The following TRABD2B variants were observed in gnomAD, a reference collection of about 807,000 sequenced individuals.
TRABD2B encodes metalloprotease TIKI2.
A neutral mutation model predicts 40.1 loss-of-function variants in TRABD2B; 14 were observed. The ratio of observed to expected loss-of-function variants is 0.35; its 90% confidence interval spans 0.23 to 0.55. The LOEUF (loss-of-function observed/expected upper bound fraction) is 0.55, where lower values mean the gene tolerates loss of function less well. Ranked by LOEUF, TRABD2B falls within the 20% of genes least tolerant of loss-of-function variation. TRABD2B has a pLI of 0.90. For missense variants in TRABD2B, 541 were observed against 648.6 expected, an observed-to-expected ratio of 0.83 and a Z score of 1.80; for synonymous variants, 263 against 277.0, an observed-to-expected ratio of 0.95 and a Z score of 0.50.
chr1:47,848,250 C>A (rs947704855), intron 2 of TRABD2B, among the ~76,000 whole-genome samples: 1 of 152,162 alleles, frequency 6.6e-6, no homozygotes, highest in Non-Finnish European at 1.5e-5. Context: ...CACATATTAC[C>A]CCCAATTTTA....
At chr1:47,936,792 T>C (rs1645112048) in intron 2 of TRABD2B, among the ~76,000 whole-genome samples, 1 of 152,190 alleles carries the variant, frequency 6.6e-6, no homozygotes, top group Non-Finnish European at 1.5e-5. Flanking sequence ...CACATTGGAA[T>C]GTTCTATGGA....
At chr1:47,944,646 CA>C (rs767862946) in intron 2 of TRABD2B, among the ~76,000 whole-genome samples, 15 of 152,164 alleles carry the variant, frequency 9.9e-5, no homozygotes, top group Non-Finnish European at 1.8e-4. Flanking sequence ...AGCTCCGGTG[CA>C]AAAATTGTCC....
chr1:47,770,420 G>A (rs1411233927), intron 6 of TRABD2B, among the ~76,000 whole-genome samples: 1 of 152,248 alleles, frequency 6.6e-6, no homozygotes, highest in Non-Finnish European at 1.5e-5. Context: ...CTTCTGTGCT[G>A]GGAATGCCTT....
chr1:47,864,128 T>C (rs1348778111), intron 2 of TRABD2B, among the ~76,000 whole-genome samples: 2 of 152,098 alleles, frequency 1.3e-5, no homozygotes, highest in Non-Finnish European at 1.5e-5. Context: ...GGAGCATAGA[T>C]AATTTTTAGG....
rs138676699 is a variant in TRABD2B, at chr1:47,934,434, C to T, written c.666+59600G>A. 2.4e-3 allele frequency among the ~76,000 whole-genome samples: 359 copies of T among 152,368 alleles called. 5 individuals are homozygous for T. The highest frequency in any genetic ancestry group is 6.4e-3 in the East Asian group (33 of 5,192). On this transcript the variant is annotated intron_variant, in intron 2 of 6. Coordinates refer to ENST00000606738, the MANE Select transcript of TRABD2B (RefSeq NM_001194986.2). ...TCTGGCAGTGCTGCTGCATCACTCA[C>T]AGACGTCTGGGGGCAGAGGCTGAGT... is the stretch of plus-strand genomic sequence containing the variant.
At chr1:47,910,752 T>C (rs1294117558) in intron 2 of TRABD2B, among the ~76,000 whole-genome samples, 2 of 152,212 alleles carry the variant, frequency 1.3e-5, no homozygotes, top group Non-Finnish European at 2.9e-5. Context: ...CCTATCCTCA[T>C]ATGGCATAGA....
At chr1:47,904,610 G>T (rs1009200515) in intron 2 of TRABD2B, among the ~76,000 whole-genome samples, 9 of 152,072 alleles carry the variant, frequency 5.9e-5, no homozygotes, top group African/African-American at 2.2e-4. Context: ...TCACCTGAGA[G>T]AATCTCATCT....
At chr1:47,940,274 T>C (rs1645168605) in intron 2 of TRABD2B, among the ~76,000 whole-genome samples, 1 of 152,238 alleles carries the variant, frequency 6.6e-6, no homozygotes, top group Non-Finnish European at 1.5e-5. Context: ...TGCAGAATTC[T>C]TGTGCAGCAG....
At chr1:47,853,598 T>C (rs2124529235) in intron 2 of TRABD2B, among the ~76,000 whole-genome samples, 1 of 152,348 alleles carries the variant, frequency 6.6e-6, no homozygotes, top group African/African-American at 2.4e-5. Flanking sequence ...AGGGACTGTG[T>C]GGAGACCATG....
chr1:47,777,810 T>C (rs1569900876), intron 5 of TRABD2B, among the ~76,000 whole-genome samples: 1 of 152,122 alleles, frequency 6.6e-6, no homozygotes, highest in Non-Finnish European at 1.5e-5. Flanking sequence ...CGCTGACACC[T>C]CTCATGTCTG....
rs546592591 is a variant in TRABD2B at position 47,953,478 on chromosome 1, C to T, written c.666+40556G>A. Among the ~76,000 whole-genome samples, 17 of 152,184 alleles carry T rather than the reference C, an allele frequency of 1.1e-4. 1 individual carries two copies. In the South Asian group the frequency reaches 3.5e-3, roughly 32 times the overall value. On this transcript the variant is annotated intron_variant, in intron 2 of 6. Coordinates refer to ENST00000606738, the MANE Select transcript of TRABD2B (RefSeq NM_001194986.2). ...CATAGGGCTGGACACAGGAAGCTCC[C>T]CACCCTATACCTTCCTAAAAGCTCC... is the stretch of plus-strand genomic sequence containing the variant.
chr1:47,983,820 G>A (rs930604113), intron 2 of TRABD2B, among the ~76,000 whole-genome samples: 2 of 151,372 alleles, frequency 1.3e-5, no homozygotes, highest in African/African-American at 2.4e-5. Context: ...TGTTGGGGAC[G>A]GGAGGGAACG....
At chr1:47,828,110 A>T (rs1159893516) in intron 2 of TRABD2B, among the ~76,000 whole-genome samples, 1 of 152,146 alleles carries the variant, frequency 6.6e-6, no homozygotes. Context: ...CATACATACA[A>T]ACGGGAGCAT....
intron 2 of TRABD2B, among the ~76,000 whole-genome samples, chr1:47,981,903 C>T (rs1213767709): frequency 6.6e-6 from 1 of 152,172 alleles, no homozygotes; most frequent in African/African-American, 2.4e-5. Context: ...CCTGTCTGAG[C>T]AGTAGAGGAA....
At chr1:47,782,124 C>A (rs187144411) in intron 4 of TRABD2B, among the ~76,000 whole-genome samples, 1 of 152,108 alleles carries the variant, frequency 6.6e-6, no homozygotes, top group Non-Finnish European at 1.5e-5. Flanking sequence ...ATTTGTCCAG[C>A]GACCTACTGG....
At chr1:47,791,758 C>T (rs992063277) in intron 4 of TRABD2B, among the ~76,000 whole-genome samples, 5 of 152,180 alleles carry the variant, frequency 3.3e-5, no homozygotes, top group Non-Finnish European at 5.9e-5. Flanking sequence ...GTAACGAGGC[C>T]GGAGTGGACT....
intron 2 of TRABD2B, among the ~76,000 whole-genome samples, chr1:47,849,306 C>T (rs1645514940): frequency 6.6e-6 from 1 of 152,162 alleles, no homozygotes; most frequent in South Asian, 2.1e-4. Context: ...GACATGTGTA[C>T]AACTGGACAA....
intron 2 of TRABD2B, among the ~76,000 whole-genome samples, chr1:47,881,417 T>G (rs1644302353): frequency 6.6e-6 from 1 of 152,196 alleles, no homozygotes; most frequent in Non-Finnish European, 1.5e-5. Context: ...GTTTGTGGAG[T>G]GCTTAGTATA....
At position 47,834,307 on chromosome 1, in the gene TRABD2B, A is replaced by T. The variant is rs1374905506; in HGVS notation, c.667-32688T>A. Among the ~76,000 whole-genome samples the T allele has an allele frequency of 4.6e-5, 7 of 152,188 alleles. 1 individual carries two copies. Among genetic ancestry groups the T allele is most frequent in the African/African-American group, 1.7e-4 (7 of 41,440 alleles). On this transcript the variant is annotated intron_variant, in intron 2 of 6. Transcript: ENST00000606738. ...AACAGCTGGATCATACAAGAGACTA[A>T]CCAAAAAGCTTTAAAGGAAAAGCTA...
Sources: gnomAD v4.1 joint callset for allele counts (sites outside exome capture counted in the v4.1 genomes callset) on GRCh38, gnomAD v4.1.1 for gene constraint, MANE v1.5 for transcripts, NCBI Gene and HGNC (gene_info 2026-07-23, HGNC 2026-07-21) for gene names.